RLIG1: variants seen among roughly 807,000 people sequenced by gnomAD.
RLIG1 encodes RNA 5'-phosphate and 3'-OH ligase 1.
chr12:88,049,460 T>C, the RLIG1 span: 3 of 979,586 alleles, frequency 3.1e-6, no homozygotes, highest in East Asian at 2.6e-5. Flanking sequence ...GAAATATACA[T>C]ATTTTACGTT....
At chr12:88,037,988 A>C in the RLIG1 span, among the ~76,000 whole-genome samples, 1 of 152,218 alleles carries the variant, frequency 6.6e-6, no homozygotes, top group Non-Finnish European at 1.5e-5. Context: ...ACTACTGATA[A>C]AGCTGAAAGG....
the RLIG1 span, chr12:88,048,445 C>T: frequency 7.9e-5 from 94 of 1,189,120 alleles, no homozygotes; most frequent in African/African-American, 1.4e-3. Context: ...ATTAGTTTAT[C>T]ATTATATTCT....
the RLIG1 span, chr12:88,045,402 C>T: frequency 1.8e-6 from 1 of 567,274 alleles, no homozygotes; most frequent in South Asian, 2.3e-5. Context: ...AAAAATGAAC[C>T]CTTATGATTT....
At chr12:88,047,548 T>C in the RLIG1 span, among the ~76,000 whole-genome samples, 1 of 152,144 alleles carries the variant, frequency 6.6e-6, no homozygotes, top group East Asian at 1.9e-4. Flanking sequence ...TATCAATTCC[T>C]AACAGTTCTA....
At chr12:88,045,519 C>A in the RLIG1 span, 1 of 1,139,968 alleles carries the variant, frequency 8.8e-7, no homozygotes, top group Middle Eastern at 3.0e-4. Flanking sequence ...ATATAAATTA[C>A]CTGTAGTGTC....
chr12:88,049,205 A>G, the RLIG1 span: 1 of 1,594,138 alleles, frequency 6.3e-7, no homozygotes, highest in Middle Eastern at 2.3e-4. Context: ...GGAAATTAAC[A>G]GGACTTTCTT....
the RLIG1 span, among the ~76,000 whole-genome samples, chr12:88,047,305 T>C: frequency 6.6e-6 from 1 of 152,086 alleles, no homozygotes; most frequent in Non-Finnish European, 1.5e-5. Context: ...GAGTGTAGAA[T>C]CTGTTGAGTA....
At chr12:88,048,130 T>TGGA in the RLIG1 span, 1 of 733,358 alleles carries the variant, frequency 1.4e-6, no homozygotes, top group Non-Finnish European at 2.0e-6. Flanking sequence ...TAAGATAAAG[T>TGGA]GGAGTCTTAC....
At chr12:88,042,740 G>GT in the RLIG1 span, 126 of 838,818 alleles carry the variant, frequency 1.5e-4, no homozygotes, top group Non-Finnish European at 2.1e-4. Context: ...TTAGCCTCCT[G>GT]TTTGTTGACA....
the RLIG1 span, chr12:88,044,093 C>G: frequency 5.0e-6 from 1 of 200,516 alleles, no homozygotes; most frequent in East Asian, 1.7e-4. Flanking sequence ...GGCAACATGG[C>G]AAAACCCTGT....
At chr12:88,041,010 A>G in the RLIG1 span, among the ~76,000 whole-genome samples, 2 of 152,276 alleles carry the variant, frequency 1.3e-5, no homozygotes, top group Non-Finnish European at 2.9e-5. Context: ...AGTGGCATTA[A>G]GTATGTTTAC....
the RLIG1 span, chr12:88,047,016 A>G: frequency 1.3e-3 from 1,993 of 1,539,616 alleles, 30 homozygotes; most frequent in African/African-American, 0.024. Flanking sequence ...ATGTCATCTT[A>G]TATTCCTACA....
the RLIG1 span, chr12:88,045,396 A>G: frequency 1.8e-6 from 1 of 564,078 alleles, no homozygotes; most frequent in Admixed American, 3.4e-5. Flanking sequence ...AGAATAAAAA[A>G]TGAACCCTTA....
At chr12:88,042,803 C>T in the RLIG1 span, 8 of 1,439,250 alleles carry the variant, frequency 5.6e-6, no homozygotes, top group Non-Finnish European at 7.4e-6. Context: ...TCATACTTTT[C>T]CTTTTGTTAT....
the RLIG1 span, chr12:88,043,760 A>G: frequency 1.6e-6 from 2 of 1,273,424 alleles, no homozygotes; most frequent in South Asian, 2.6e-5. Context: ...TTACTAGTAA[A>G]ATGATCAAAA....
At chr12:88,049,608 C>G in the RLIG1 span, 1 of 460,848 alleles carries the variant, frequency 2.2e-6, no homozygotes, top group Admixed American at 4.2e-5. Flanking sequence ...ACTGTCAAGT[C>G]CAGTTATGTA....
chr12:88,044,722 A>C, the RLIG1 span: 6 of 152,440 alleles, frequency 3.9e-5, no homozygotes, highest in Non-Finnish European at 8.8e-5. Flanking sequence ...GACAAGGAAG[A>C]GGGAAGATCA....
chr12:88,041,628 T>C, the RLIG1 span: 4 of 152,218 alleles, frequency 2.6e-5, no homozygotes, highest in East Asian at 1.9e-4. Context: ...TTTTGGATAG[T>C]AGCCATTCTA....
chr12:88,048,117 CAG>C, the RLIG1 span: 1 of 587,914 alleles, frequency 1.7e-6, no homozygotes, highest in African/African-American at 1.9e-5. Flanking sequence ...AAAAAAAAAA[CAG>C]TAAGATAAAG....
Sources: gnomAD v4.1 joint callset for allele counts (sites outside exome capture counted in the v4.1 genomes callset) on GRCh38, gnomAD v4.1.1 for gene constraint, MANE v1.5 for transcripts, NCBI Gene and HGNC (gene_info 2026-07-23, HGNC 2026-07-21) for gene names.